Variants in PDZRN4 observed in about 807,000 individuals in gnomAD.
PDZRN4 encodes PDZ domain-containing RING finger protein 4.
A neutral mutation model predicts 99.0 loss-of-function variants in PDZRN4; 70 were observed. The ratio of observed to expected loss-of-function variants is 0.71; its 90% confidence interval spans 0.58 to 0.86. The LOEUF is 0.86. Ranked by LOEUF, PDZRN4 falls within the 40% of genes least tolerant of loss-of-function variation. PDZRN4 has a pLI of 0.00. For missense variants in PDZRN4, 1,474 were observed against 1,331.2 expected, an observed-to-expected ratio of 1.11 and a Z score of -1.67; for synonymous variants, 551 against 501.6, an observed-to-expected ratio of 1.10 and a Z score of -1.32.
At chr12:41,478,022 G>T (rs1937620443) in intron 3 of PDZRN4, 6 of 733,130 alleles carry the variant, frequency 8.2e-6, no homozygotes, top group South Asian at 6.6e-5. Flanking sequence ...TGGCTGCTTT[G>T]GTCTTTGTGA....
At chr12:41,472,173 T>G (rs947545139) in intron 3 of PDZRN4, among the ~76,000 whole-genome samples, 3 of 152,052 alleles carry the variant, frequency 2.0e-5, no homozygotes, top group Non-Finnish European at 1.5e-5. Flanking sequence ...CCAGCTAATT[T>G]TGTATTTTTA....
chr12:41,487,856 G>A (rs1283581179), intron 3 of PDZRN4, among the ~76,000 whole-genome samples: 1 of 152,146 alleles, frequency 6.6e-6, no homozygotes, highest in Non-Finnish European at 1.5e-5. Flanking sequence ...TTCCCAAATT[G>A]GAGTTAAACT....
chr12:41,373,916 T>C (rs945250117), intron 3 of PDZRN4, among the ~76,000 whole-genome samples: 5 of 152,186 alleles, frequency 3.3e-5, no homozygotes, highest in African/African-American at 1.2e-4. Flanking sequence ...CTTCACAATT[T>C]ATGTTCTTCT....
In PDZRN4 at chr12:41,555,738, G is replaced by A. The variant is rs202115349; in HGVS notation, c.1343G>A (p.Arg448Gln). Residue 448 changes from arginine to glutamine, a missense_variant, in exon 7 of 10, where the codon CGA becomes CAA. Physicochemically the swap from Arg to Gln is conservative, Grantham distance 43 (BLOSUM62 1). Transcript: ENST00000402685. ...NSIAAKDGRIREGDRILQING... is the reference protein window; with the variant it reads ...NSIAAKDGRIQEGDRILQING... ...ATTGCTGCCAAAGACGGCCGGATTC[G>A]AGAAGGGGATCGGATTTTGCAAGTA... The A allele has an allele frequency of 2.3e-5, 37 of 1,613,862 alleles. No individual in the cohort carries two copies. The highest frequency in any genetic ancestry group is 2.9e-5 in the Non-Finnish European group (34 of 1,179,916).
chr12:41,419,384 C>T lies in PDZRN4; in HGVS notation c.844-87072C>T, dbSNP rs183666203. Among the ~76,000 whole-genome samples the T allele has an allele frequency of 2.4e-3, 360 of 152,242 alleles. 2 individuals are homozygous for T. Among genetic ancestry groups the T allele is most frequent in the Non-Finnish European group, 3.4e-3 (233 of 68,022 alleles). ...GATCCATGCAGACAATGAGCTGGGTCGGCTTAGAACAGACCCAAGTGCCCC... is the reference window on the plus strand; with the variant it reads ...GATCCATGCAGACAATGAGCTGGGTTGGCTTAGAACAGACCCAAGTGCCCC... On this transcript the variant is annotated intron_variant, in intron 3 of 9. Transcript: ENST00000402685.
At chr12:41,210,493 T>G (rs184148364) in intron 3 of PDZRN4, among the ~76,000 whole-genome samples, 8 of 152,112 alleles carry the variant, frequency 5.3e-5, no homozygotes, top group Non-Finnish European at 7.4e-5. Flanking sequence ...TACTTAAATT[T>G]TACAACTGTT....
At chr12:41,369,401 C>T (rs754538339) in intron 3 of PDZRN4, among the ~76,000 whole-genome samples, 13 of 152,006 alleles carry the variant, frequency 8.6e-5, no homozygotes, top group Non-Finnish European at 1.8e-4. Flanking sequence ...TTACCTTTTC[C>T]TCTTGTACTG....
At chr12:41,413,379 A>G (rs1952414460) in intron 3 of PDZRN4, among the ~76,000 whole-genome samples, 1 of 152,146 alleles carries the variant, frequency 6.6e-6, no homozygotes, top group Non-Finnish European at 1.5e-5. Context: ...AGGGAGAAAC[A>G]GGGGATAGGG....
chr12:41,275,844 T>A (rs1029834593), intron 3 of PDZRN4, among the ~76,000 whole-genome samples: 3 of 152,166 alleles, frequency 2.0e-5, no homozygotes, highest in Non-Finnish European at 2.9e-5. Flanking sequence ...AAATGGAGAC[T>A]CATTGAATCT....
chr12:41,573,994 C>T lies in PDZRN4; in HGVS notation c.*104C>T. 1.3e-6 allele frequency: 1 copy of T among 751,470 alleles called. No homozygotes were observed. 46.6% of individuals were successfully genotyped at this position (751,470 alleles called of 1,614,324 possible). The stretch of plus-strand genomic sequence containing the variant: ...TGGCGTTTTTATATATATTTTGTGA[C>T]TCTTTATAGTTTAAATTTTTTGTAA... On this transcript the variant is annotated 3_prime_UTR_variant, in exon 10 of 10. Coordinates refer to ENST00000402685, the MANE Select transcript of PDZRN4 (RefSeq NM_001164595.2).
At chr12:41,572,060 C>T (rs549952585) in intron 9 of PDZRN4, among the ~76,000 whole-genome samples, 5 of 152,244 alleles carry the variant, frequency 3.3e-5, no homozygotes, top group South Asian at 2.1e-4. Flanking sequence ...ACACCTTCAA[C>T]CCCGAGTTTC....
chr12:41,317,898 G>C (rs1390118950), intron 3 of PDZRN4, among the ~76,000 whole-genome samples: 1 of 151,872 alleles, frequency 6.6e-6, no homozygotes, highest in Non-Finnish European at 1.5e-5. Context: ...TCCAAATCTG[G>C]GAAAAGATAG....
At chr12:41,418,816 T>C (rs575099574) in intron 3 of PDZRN4, among the ~76,000 whole-genome samples, 2 of 152,288 alleles carry the variant, frequency 1.3e-5, no homozygotes, top group South Asian at 2.1e-4. Flanking sequence ...AGAAGAATCG[T>C]TGGGTGACCA....
At chr12:41,238,532 AAAAC>A (rs1290543963) in intron 3 of PDZRN4, among the ~76,000 whole-genome samples, 2 of 152,036 alleles carry the variant, frequency 1.3e-5, no homozygotes, top group Non-Finnish European at 2.9e-5. Context: ...TAGAAGAAAG[AAAAC>A]AAACAACCCC....
intron 8 of PDZRN4, among the ~76,000 whole-genome samples, chr12:41,565,050 A>G (rs7973550): frequency 0.33 from 50,304 of 152,006 alleles, 8,936 homozygotes; most frequent in Admixed American, 0.4. Context: ...GGCTGTAGAA[A>G]TAATAGAAAT....
chr12:41,253,117 T>C (rs1287286119), intron 3 of PDZRN4, among the ~76,000 whole-genome samples: 2 of 152,180 alleles, frequency 1.3e-5, no homozygotes, highest in African/African-American at 4.8e-5. Context: ...ATTCTATTGA[T>C]TATCATTTTA....
rs17129370 is a variant in PDZRN4 at position 41,454,113 on chromosome 12, T to C, written c.844-52343T>C. Among the ~76,000 whole-genome samples, 649 of 151,932 alleles carry C rather than the reference T, an allele frequency of 4.3e-3. 3 individuals are homozygous for C. Among genetic ancestry groups the C allele is most frequent in the African/African-American group, 0.015 (625 of 41,376 alleles). On this transcript the variant is annotated intron_variant, in intron 3 of 9. Transcript: ENST00000402685. The stretch of plus-strand genomic sequence containing the variant: ...TGATAGCCAATAATTAAATTGACCA[T>C]TGTTGTAAGCTGAAGCCAAAACCAA...
At chr12:41,367,433 T>C (rs2121072261) in intron 3 of PDZRN4, among the ~76,000 whole-genome samples, 1 of 152,052 alleles carries the variant, frequency 6.6e-6, no homozygotes, top group Non-Finnish European at 1.5e-5. Flanking sequence ...TGCTTGAACC[T>C]GGGAGGCAGA....
intron 3 of PDZRN4, among the ~76,000 whole-genome samples, chr12:41,375,544 G>A (rs1222314634): frequency 2.0e-5 from 3 of 152,094 alleles, no homozygotes; most frequent in Non-Finnish European, 4.4e-5. Flanking sequence ...CTTTACAAAT[G>A]AGGCAATTAA....
Sources: allele counts gnomAD v4.1 joint callset (sites outside exome capture counted in the v4.1 genomes callset), GRCh38; gene constraint gnomAD v4.1.1; transcripts MANE v1.5; gene names NCBI Gene and HGNC (gene_info 2026-07-23, HGNC 2026-07-21).